DLGAP1: variants seen among roughly 807,000 people sequenced by gnomAD.
DLGAP1 encodes DLG associated protein 1.
DLGAP1 carries 11 observed loss-of-function variants against 90.8 expected under a neutral mutation model. The observed-to-expected ratio is 0.12, with a 90% CI of 0.08 to 0.20. The LOEUF (loss-of-function observed/expected upper bound fraction) is 0.20. DLGAP1 is among the 10% of genes least tolerant of loss of function. The pLI is 1.00. For missense variants in DLGAP1, 1,050 were observed against 1,333.8 expected, an observed-to-expected ratio of 0.79 and a Z score of 3.31; for synonymous variants, 558 against 540.7, an observed-to-expected ratio of 1.03 and a Z score of -0.44.
rs759918417 is a variant in DLGAP1, at chr18:4,087,050, CAT to C, written c.-159+64128_-159+64129del. Among the ~76,000 whole-genome samples, 25 of 100,742 alleles carry C rather than the reference CAT, an allele frequency of 2.5e-4. 3 individuals carry two copies. The highest frequency in any genetic ancestry group is 7.1e-4 in the African/African-American group (19 of 26,794). 66.1% of individuals were successfully genotyped at this position (100,742 alleles called of 152,430 possible). A position where few individuals can be genotyped will look rare whatever the true frequency, so the allele number is the denominator to read the frequency against. On this transcript the variant is annotated intron_variant, in intron 2 of 12. Coordinates refer to ENST00000315677, the MANE Select transcript of DLGAP1 (RefSeq NM_004746.4). ...TGAGATATATATATATACACAAACA[CAT>C]ATATATATACACACACTTATATATA...
At chr18:4,298,677 G>A (rs1210627863) in intron 1 of DLGAP1, among the ~76,000 whole-genome samples, 1 of 152,026 alleles carries the variant, frequency 6.6e-6, no homozygotes, top group Non-Finnish European at 1.5e-5. Flanking sequence ...AATGCTAGAT[G>A]ACGAGTTAGT....
Position 3,880,101 on chromosome 18 carries a change from C to T in DLGAP1, c.-33G>A. 1 of 1,589,218 alleles carries T rather than the reference C, an allele frequency of 6.3e-7. No homozygotes were observed. Among genetic ancestry groups the T allele is most frequent in the Non-Finnish European group, 8.5e-7 (1 of 1,173,242 alleles). On this transcript the variant is annotated 5_prime_UTR_variant, in exon 4 of 13. Coordinates refer to ENST00000315677, the MANE Select transcript of DLGAP1 (RefSeq NM_004746.4). ...CGGAAGCAGCCGCCAGGGTCATGGA[C>T]ACCCGGAAGTCAGGCTCCAGACCCG...
At chr18:4,071,989 A>C (rs1001804720) in intron 2 of DLGAP1, among the ~76,000 whole-genome samples, 10 of 152,192 alleles carry the variant, frequency 6.6e-5, no homozygotes, top group African/African-American at 2.4e-4. Context: ...GAATATAATG[A>C]ATGTGCTCAT....
intron 5 of DLGAP1, among the ~76,000 whole-genome samples, chr18:3,757,048 T>C (rs895336615): frequency 6.6e-6 from 1 of 151,986 alleles, no homozygotes; most frequent in African/African-American, 2.4e-5. Context: ...TTCCAGAAAA[T>C]AGAGGAAGAA....
chr18:3,769,301 A>G (rs909726241), intron 5 of DLGAP1, among the ~76,000 whole-genome samples: 4 of 152,196 alleles, frequency 2.6e-5, no homozygotes, highest in Non-Finnish European at 4.4e-5. Flanking sequence ...GCTGGTAGGA[A>G]TGTAAAATGG....
At chr18:4,372,012 T>A (rs2081927113) in intron 1 of DLGAP1, among the ~76,000 whole-genome samples, 1 of 152,222 alleles carries the variant, frequency 6.6e-6, no homozygotes, top group Non-Finnish European at 1.5e-5. Flanking sequence ...TCCTTTAAAT[T>A]ACACTACAGC....
intron 1 of DLGAP1, among the ~76,000 whole-genome samples, chr18:4,446,558 A>C (rs750575134): frequency 3.9e-4 from 60 of 152,300 alleles, no homozygotes; most frequent in African/African-American, 1.3e-3. Flanking sequence ...TTTAGAATGT[A>C]ATTAAAGGCT....
At chr18:4,076,930 A>G (rs868623848) in intron 2 of DLGAP1, among the ~76,000 whole-genome samples, 7 of 152,008 alleles carry the variant, frequency 4.6e-5, no homozygotes, top group Non-Finnish European at 8.8e-5. Context: ...TGGCCTCTTT[A>G]TAGTATTTAT....
chr18:4,105,095 A>G (rs181837991), intron 2 of DLGAP1, among the ~76,000 whole-genome samples: 299 of 152,316 alleles, frequency 2.0e-3, no homozygotes, highest in Middle Eastern at 6.8e-3. Flanking sequence ...GGTCCACTGC[A>G]TAAAAGAAGC....
chr18:4,132,185 G>A (rs2076327147), intron 2 of DLGAP1, among the ~76,000 whole-genome samples: 1 of 152,060 alleles, frequency 6.6e-6, no homozygotes. Context: ...AACTAAAAAT[G>A]GATGCTTTAG....
intron 2 of DLGAP1, among the ~76,000 whole-genome samples, chr18:4,053,400 T>C (rs1255598637): frequency 1.3e-5 from 2 of 152,148 alleles, no homozygotes; most frequent in Non-Finnish European, 2.9e-5. Flanking sequence ...CAAGAACAGA[T>C]TGGAAGGTAA....
At chr18:3,975,660 A>C (rs2149015587) in intron 3 of DLGAP1, among the ~76,000 whole-genome samples, 1 of 152,316 alleles carries the variant, frequency 6.6e-6, no homozygotes, top group Non-Finnish European at 1.5e-5. Context: ...GTAGCCAAAA[A>C]GTGAAGCAAC....
At chr18:3,986,139 C>A (rs915871046) in intron 3 of DLGAP1, 1 of 152,332 alleles carries the variant, frequency 6.6e-6, no homozygotes, top group Admixed American at 6.5e-5. Context: ...CACTGGGGCA[C>A]CCGGCAGGGC....
chr18:4,444,909 T>C (rs1039690316), intron 1 of DLGAP1, among the ~76,000 whole-genome samples: 2 of 152,198 alleles, frequency 1.3e-5, no homozygotes, highest in Non-Finnish European at 2.9e-5. Flanking sequence ...CTGGACTCAG[T>C]AAAATTAATT....
intron 3 of DLGAP1, among the ~76,000 whole-genome samples, chr18:3,908,302 C>T (rs2071956367): frequency 6.6e-6 from 1 of 152,066 alleles, no homozygotes; most frequent in South Asian, 2.1e-4. Context: ...TATAAATAAT[C>T]TCATGATATA....
chr18:4,071,522 C>T, intron 2 of DLGAP1, among the ~76,000 whole-genome samples: 1 of 152,164 alleles, frequency 6.6e-6, no homozygotes, highest in East Asian at 1.9e-4. Context: ...GTGCCCTCTC[C>T]CACAGTTCCC....
chr18:4,251,749 CAA>C (rs1466936004), intron 1 of DLGAP1, among the ~76,000 whole-genome samples: 1 of 152,170 alleles, frequency 6.6e-6, no homozygotes, highest in Non-Finnish European at 1.5e-5. Context: ...TAGTGAGCCT[CAA>C]GAGGGAATCA....
At chr18:3,751,436 A>C (rs1316038035) in intron 5 of DLGAP1, among the ~76,000 whole-genome samples, 1 of 152,006 alleles carries the variant, frequency 6.6e-6, no homozygotes, top group Non-Finnish European at 1.5e-5. Context: ...AGCTGGGACC[A>C]CAGGTGTGTG....
At chr18:3,555,964 T>A (rs1355883566) in intron 9 of DLGAP1, among the ~76,000 whole-genome samples, 2 of 152,160 alleles carry the variant, frequency 1.3e-5, no homozygotes, top group Admixed American at 1.3e-4. Context: ...GAAACTTCTT[T>A]CTTTAGAGAG....
Sources: gnomAD v4.1 joint callset for allele counts (sites outside exome capture counted in the v4.1 genomes callset) on GRCh38, gnomAD v4.1.1 for gene constraint, MANE v1.5 for transcripts, NCBI Gene and HGNC (gene_info 2026-07-23, HGNC 2026-07-21) for gene names.